Variants in PARD3B observed in about 807,000 individuals in gnomAD.
PARD3B encodes the protein par-3 family cell polarity regulator beta.
PARD3B carries 103 observed loss-of-function variants against 130.2 expected under a neutral mutation model. The ratio of observed to expected loss-of-function variants is 0.79; its 90% CI spans 0.67 to 0.93. The LOEUF (loss-of-function observed/expected upper bound fraction) is 0.93, where lower values mean the gene tolerates loss of function less well. PARD3B is among the 40% of genes least tolerant of loss of function. The pLI, the probability that PARD3B is intolerant of heterozygous loss-of-function variation, is 0.00. For synonymous variants in PARD3B, 583 were observed against 553.2 expected, an observed-to-expected ratio of 1.05 and a Z score of -0.76; for missense variants, 1,609 against 1,499.2, an observed-to-expected ratio of 1.07 and a Z score of -1.21.
rs1559141226 is a variant in PARD3B at position 205,489,500 on chromosome 2, T to TATATATACGTATATTTACAC, written c.3045-10389_3045-10388insCGTATATTTACACATATATA. On this transcript the variant is annotated intron_variant, in intron 20 of 22. Coordinates refer to ENST00000406610, the MANE Select transcript of PARD3B (RefSeq NM_001302769.2). ...CTAAATATACATATATATGTGTGTATATATATATACGTATATATATATACA... is the reference window on the plus strand; with the variant it reads ...CTAAATATACATATATATGTGTGTATATATATACGTATATTTACACATATATATACGTATATATATATACA... Among the ~76,000 whole-genome samples, 22 of 139,410 alleles carry TATATATACGTATATTTACAC rather than the reference T, an allele frequency of 1.6e-4. 2 individuals are homozygous for TATATATACGTATATTTACAC. The South Asian group carries it at 4.8e-3, about 31-fold the overall frequency. The allele number at this position is 139,410 out of a possible 152,430, so 91.5% of individuals were successfully genotyped here.
chr2:204,934,836 G>C (rs568960375), intron 2 of PARD3B, among the ~76,000 whole-genome samples: 3 of 152,306 alleles, frequency 2.0e-5, no homozygotes, highest in East Asian at 3.9e-4. Context: ...GGAAGGGCAA[G>C]AGACTTGAAG....
chr2:204,591,739 G>A (rs773133569), intron 1 of PARD3B, among the ~76,000 whole-genome samples: 26 of 152,174 alleles, frequency 1.7e-4, no homozygotes, highest in Non-Finnish European at 3.2e-4. Context: ...TTATAACTGC[G>A]TTGGAGTAGT....
At chr2:205,179,822 T>G (rs2035687823) in intron 13 of PARD3B, among the ~76,000 whole-genome samples, 1 of 152,142 alleles carries the variant, frequency 6.6e-6, no homozygotes, top group African/African-American at 2.4e-5. Flanking sequence ...ACCATAGAAG[T>G]AGTTAATGTG....
rs892266457 is a variant in PARD3B at position 205,078,310 on chromosome 2, G to A, written c.505-26116G>A. Among the ~76,000 whole-genome samples the A allele has an allele frequency of 6.6e-6, 1 of 152,150 alleles. No individual in the cohort carries two copies. The highest frequency in any genetic ancestry group is 2.4e-5 in the African/African-American group (1 of 41,450). On this transcript the variant is annotated intron_variant, in intron 4 of 22. Coordinates refer to ENST00000406610, the MANE Select transcript of PARD3B (RefSeq NM_001302769.2). This position sits in a 1 kb window ranked among gnomAD's most constrained non-coding sequence, Gnocchi z 4.0. ...AGATGTGACAGAGCAATTTAGTATT[G>A]TAGGTTCACTCAATGGCTATCGCAG... is the stretch of plus-strand genomic sequence containing the variant.
intron 2 of PARD3B, among the ~76,000 whole-genome samples, chr2:204,737,012 A>G (rs1472850526): frequency 6.6e-6 from 1 of 152,144 alleles, no homozygotes; most frequent in Non-Finnish European, 1.5e-5. Context: ...CAATGGCCCA[A>G]TCTCAGCTCA....
intron 16 of PARD3B, among the ~76,000 whole-genome samples, chr2:205,279,883 CAA>C (rs2041122201): frequency 6.6e-6 from 1 of 152,072 alleles, no homozygotes; most frequent in East Asian, 1.9e-4. Context: ...TTCTGAAATC[CAA>C]GATTACTCCC....
chr2:204,953,420 CAGAGAGAG>C (rs138644226), intron 2 of PARD3B, among the ~76,000 whole-genome samples: 42,778 of 122,690 alleles, frequency 0.35, 7,190 homozygotes, highest in South Asian at 0.6. Flanking sequence ...TACACACACA[CAGAGAGAG>C]AGAGAGAGAG....
chr2:205,055,031 T>C (rs1407662039), intron 4 of PARD3B, among the ~76,000 whole-genome samples: 1 of 152,192 alleles, frequency 6.6e-6, no homozygotes. Context: ...TTTTCAAGAC[T>C]GTGAACTCTT....
At chr2:204,644,855 C>T (rs781319375) in intron 1 of PARD3B, among the ~76,000 whole-genome samples, 1 of 151,968 alleles carries the variant, frequency 6.6e-6, no homozygotes, top group Admixed American at 6.6e-5. Context: ...AAATTCCTCC[C>T]CAGAGAGCTA....
Position 205,400,944 on chromosome 2 carries a change from A to C in PARD3B, c.2631-69A>C, listed in dbSNP as rs577442901. On this transcript the variant is annotated intron_variant, in intron 18 of 22. Coordinates refer to ENST00000406610, the MANE Select transcript of PARD3B (RefSeq NM_001302769.2). ...GTATGACTTAATGAGCTCATCCCATAAATATCTTAGCTCTACCGCAAAAAC... is the reference window on the plus strand; with the variant it reads ...GTATGACTTAATGAGCTCATCCCATCAATATCTTAGCTCTACCGCAAAAAC... The C allele has an allele frequency of 2.1e-4, 241 of 1,142,492 alleles. No homozygotes were observed. The African/African-American group carries it at 3.3e-3, about 16-fold the overall frequency. 70.8% of individuals were successfully genotyped at this position (1,142,492 alleles called of 1,614,324 possible). A position where few individuals can be genotyped will look rare whatever the true frequency, so the allele number is the denominator to read the frequency against.
chr2:205,249,219 C>T (rs961498210), intron 16 of PARD3B, among the ~76,000 whole-genome samples: 3 of 147,106 alleles, frequency 2.0e-5, no homozygotes, highest in Non-Finnish European at 3.0e-5. Context: ...AAGAGTCTCT[C>T]GCTCTTTCTC....
intron 20 of PARD3B, among the ~76,000 whole-genome samples, chr2:205,498,129 G>A (rs534864515): frequency 1.7e-4 from 26 of 151,770 alleles, no homozygotes; most frequent in African/African-American, 5.3e-4. Flanking sequence ...GAACGCAGGA[G>A]GCAGAGGTTG....
At chr2:204,655,492 A>G (rs1291253990) in intron 1 of PARD3B, among the ~76,000 whole-genome samples, 7 of 152,148 alleles carry the variant, frequency 4.6e-5, no homozygotes, top group Admixed American at 1.3e-4. Context: ...TCTACCTTGC[A>G]AAAGTTTTAA....
intron 4 of PARD3B, among the ~76,000 whole-genome samples, chr2:205,075,660 T>C (rs1383734483): frequency 6.9e-6 from 1 of 144,004 alleles, no homozygotes; most frequent in African/African-American, 2.6e-5. Context: ...GCCTTACCTT[T>C]ATAAGAATTT....
chr2:205,221,043 T>C (rs1044471451), intron 15 of PARD3B, among the ~76,000 whole-genome samples: 3 of 152,228 alleles, frequency 2.0e-5, no homozygotes, highest in Admixed American at 6.5e-5. Flanking sequence ...AGCAAGGGGC[T>C]ATTATAATAA....
chr2:205,476,620 G>T (rs572583390), intron 20 of PARD3B, among the ~76,000 whole-genome samples: 222 of 151,626 alleles, frequency 1.5e-3, no homozygotes, highest in African/African-American at 5.1e-3. Flanking sequence ...TGGGTTTTTT[G>T]TTTGTTTTTT....
At position 205,446,635 on chromosome 2, in the gene PARD3B, GA is replaced by G. The variant is rs66766048; in HGVS notation, c.3044+5973del. On this transcript the variant is annotated intron_variant, in intron 20 of 22. Coordinates refer to ENST00000406610, the MANE Select transcript of PARD3B (RefSeq NM_001302769.2). The surrounding 1 kb of genome is among the most constrained non-coding windows in gnomAD (Gnocchi z 4.4). Reference sequence around the variant, plus strand: ...GGCCCTGAACCTTCAGTCCATCTTAGAAAAAAAAAATTGCCTTATAAAAGAT... The same window carrying G: ...GGCCCTGAACCTTCAGTCCATCTTAGAAAAAAAAATTGCCTTATAAAAGAT... Among the ~76,000 whole-genome samples, 36,326 of 149,536 alleles carry G rather than the reference GA, an allele frequency of 0.24. 7,407 individuals carry two copies. The highest frequency in any genetic ancestry group is 0.57 in the African/African-American group (23,243 of 41,022).
chr2:205,052,452 A>AT (rs1443249681), intron 4 of PARD3B, among the ~76,000 whole-genome samples: 699 of 20,490 alleles, frequency 0.034, 19 homozygotes, highest in East Asian at 0.14. Context: ...TATATATATA[A>AT]AATTAAAAAA....
intron 18 of PARD3B, among the ~76,000 whole-genome samples, chr2:205,324,762 T>C (rs1265725106): frequency 6.6e-6 from 1 of 152,076 alleles, no homozygotes. Context: ...CCCTCCTCTC[T>C]CTTTCTCTGG....
Sources: allele counts gnomAD v4.1 joint callset (sites outside exome capture counted in the v4.1 genomes callset), GRCh38; gene constraint gnomAD v4.1.1; non-coding constraint Gnocchi (gnomAD v3.1); transcripts MANE v1.5; gene names NCBI Gene and HGNC (gene_info 2026-07-23, HGNC 2026-07-21).